The following NHSL2 variants were observed in gnomAD, a reference collection of about 807,000 sequenced individuals.
The protein encoded by NHSL2 is NHS like 2, also known as NHS-like protein 2.
NHSL2 carries 27 observed loss-of-function variants against 53.4 expected under a neutral mutation model. That is an observed-to-expected ratio of 0.51 (90% confidence interval 0.37 to 0.70). The LOEUF is 0.70. Among genes scored for constraint, NHSL2 ranks in the 30% least tolerant of loss-of-function variants. The pLI, the probability that NHSL2 is intolerant of heterozygous loss-of-function variation, is 0.00. For missense variants in NHSL2, 892 were observed against 980.1 expected (o/e 0.91, Z 1.20); for synonymous variants, 408 against 404.1 (o/e 1.01, Z -0.12).
chrX:71,953,495 G>A (rs140041281), intron 1 of NHSL2, among the ~76,000 whole-genome samples: 6,871 of 111,776 alleles, frequency 0.061, 530 homozygotes, highest in African/African-American at 0.21. Flanking sequence ...AATAGTTAAG[G>A]GGGTATGTGG....
At chrX:71,995,409 A>G (rs1758351382) in intron 1 of NHSL2, among the ~76,000 whole-genome samples, 1 of 78,845 alleles carries the variant, frequency 1.3e-5, no homozygotes, top group Non-Finnish European at 2.9e-5. Context: ...ACGTCCTTAC[A>G]ATGGCCCACA....
chrX:71,965,704 T>C (rs1368302231), intron 1 of NHSL2, among the ~76,000 whole-genome samples: 1 of 112,253 alleles, frequency 8.9e-6, no homozygotes, highest in Non-Finnish European at 1.9e-5. Context: ...TGGGAAGAAC[T>C]GACATCTTGA....
intron 1 of NHSL2, among the ~76,000 whole-genome samples, chrX:72,041,033 G>C (rs766321515): frequency 5.3e-5 from 6 of 112,404 alleles, no homozygotes; most frequent in Non-Finnish European, 9.4e-5. Flanking sequence ...TTCAGAGGAG[G>C]AAGTCCCTAA....
rs2042439421 is a variant in NHSL2 at position 72,143,825 on chromosome X, TC to T, written c.*256del. The T allele has an allele frequency of 1.6e-5, 4 of 258,032 alleles. No individual in the cohort carries two copies. The South Asian group carries it at 3.4e-4, about 22-fold the overall frequency. The allele number at this position is 258,032 out of a possible 1,213,427, so 21.3% of individuals were successfully genotyped here. On this transcript the variant is annotated 3_prime_UTR_variant, in exon 8 of 8. Coordinates refer to ENST00000633930, the MANE Select transcript of NHSL2 (RefSeq NM_001013627.3). ...CTGACTACCGAGTTTCTTCTTATTT[TC>T]CCCCAGTGGTGTGCACTAACTAAGA...
At chrX:72,064,395 T>C (rs764950841) in intron 1 of NHSL2, among the ~76,000 whole-genome samples, 108 of 112,433 alleles carry the variant, frequency 9.6e-4, no homozygotes, top group African/African-American at 3.3e-3. Context: ...TCAGCCTAAC[T>C]TGGGTTCAAG....
intron 1 of NHSL2, among the ~76,000 whole-genome samples, chrX:71,921,835 G>A (rs975390586): frequency 1.8e-5 from 2 of 112,149 alleles, no homozygotes; most frequent in East Asian, 5.6e-4. Context: ...CCAAATCAAC[G>A]TCTAGATCAG....
At chrX:72,037,996 C>T (rs2042250222) in intron 1 of NHSL2, among the ~76,000 whole-genome samples, 1 of 111,976 alleles carries the variant, frequency 8.9e-6, no homozygotes, top group Non-Finnish European at 1.9e-5. Flanking sequence ...AACACAGAAT[C>T]CAAAATACCA....
intron 1 of NHSL2, among the ~76,000 whole-genome samples, chrX:72,070,962 T>C (rs999720069): frequency 1.8e-5 from 2 of 112,296 alleles, no homozygotes; most frequent in Admixed American, 9.4e-5. Context: ...GAGGGTTGCC[T>C]CTGCCTCCTT....
chrX:71,952,528 G>C (rs896774362), intron 1 of NHSL2, among the ~76,000 whole-genome samples: 2 of 111,638 alleles, frequency 1.8e-5, no homozygotes, highest in African/African-American at 6.5e-5. Context: ...GTTCCTCATA[G>C]ATAGCACCTT....
intron 1 of NHSL2, among the ~76,000 whole-genome samples, chrX:72,038,036 C>T (rs1049972893): frequency 8.9e-6 from 1 of 112,206 alleles, no homozygotes; most frequent in Non-Finnish European, 1.9e-5. Context: ...TTTGTTTCGG[C>T]AGCACAGGAC....
chrX:72,003,285 A>G, intron 1 of NHSL2, among the ~76,000 whole-genome samples: 1 of 111,255 alleles, frequency 9.0e-6, no homozygotes, highest in East Asian at 2.8e-4. Context: ...GGCAGCAGAT[A>G]TGTACATCTA....
Position 72,148,133 on chromosome X carries a change from A to G in NHSL2, c.*4559A>G, listed in dbSNP as rs956247858. The G allele has an allele frequency of 8.9e-6, 1 of 112,167 alleles. No homozygotes were observed. Among genetic ancestry groups the G allele is most frequent in the Non-Finnish European group, 1.9e-5 (1 of 53,282 alleles). The allele number at this position is 112,167 out of a possible 1,213,427, so 9.2% of individuals were successfully genotyped here. A position where few individuals can be genotyped will look rare whatever the true frequency, so the allele number is the denominator to read the frequency against. On this transcript the variant is annotated 3_prime_UTR_variant, in exon 8 of 8. Coordinates refer to ENST00000633930, the MANE Select transcript of NHSL2 (RefSeq NM_001013627.3). Reference sequence around the variant, plus strand: ...ACTAAAAGCCACTGAGAAGGCCTAGATCATTCATATTGTACATTGACATTT... The same window carrying G: ...ACTAAAAGCCACTGAGAAGGCCTAGGTCATTCATATTGTACATTGACATTT...
At chrX:72,016,331 A>G (rs760209605) in intron 1 of NHSL2, among the ~76,000 whole-genome samples, 1 of 112,076 alleles carries the variant, frequency 8.9e-6, no homozygotes, top group South Asian at 3.7e-4. Context: ...TCTTTCACTC[A>G]TTTGTCTACT....
chrX:72,081,409 A>C (rs1172526914), intron 1 of NHSL2, among the ~76,000 whole-genome samples: 3 of 112,272 alleles, frequency 2.7e-5, no homozygotes, highest in African/African-American at 9.7e-5. Flanking sequence ...TCACAGAGAC[A>C]CAGAGTGAGC....
rs374012047 is a variant in NHSL2, at chrX:72,066,300, TC to T, written c.281-65777del. Among the ~76,000 whole-genome samples, 237 of 111,939 alleles carry T rather than the reference TC, an allele frequency of 2.1e-3. 1 individual carries two copies. The highest frequency in any genetic ancestry group is 7.2e-3 in the African/African-American group (223 of 30,783). On this transcript the variant is annotated intron_variant, in intron 1 of 7. Coordinates refer to ENST00000633930, the MANE Select transcript of NHSL2 (RefSeq NM_001013627.3). Reference sequence around the variant, plus strand: ...TAAAGATGTCTAAAAGCATTCCTCATCCAATTTAGATTATTAAAAAAGGATA... The same window carrying T: ...TAAAGATGTCTAAAAGCATTCCTCATCAATTTAGATTATTAAAAAAGGATA...
At position 72,143,909 on chromosome X, in the gene NHSL2, C is replaced by T. The variant is rs1314623348; in HGVS notation, c.*335C>T. 3 of 151,148 alleles carry T rather than the reference C, an allele frequency of 2.0e-5. No individual in the cohort carries two copies. The highest frequency in any genetic ancestry group is 3.8e-5 in the Non-Finnish European group (3 of 78,602). 12.5% of individuals were successfully genotyped at this position (151,148 alleles called of 1,213,427 possible). On this transcript the variant is annotated 3_prime_UTR_variant, in exon 8 of 8. Transcript: ENST00000633930. Reference sequence around the variant, plus strand: ...CTTTTTCAATTCAGTGACCCGGCTGCTCCATCCCTGGCTCCTGTCACTGAG... The same window carrying T: ...CTTTTTCAATTCAGTGACCCGGCTGTTCCATCCCTGGCTCCTGTCACTGAG...
At chrX:71,933,301 G>A (rs1258377713) in intron 1 of NHSL2, among the ~76,000 whole-genome samples, 1 of 111,365 alleles carries the variant, frequency 9.0e-6, no homozygotes, top group Non-Finnish European at 1.9e-5. Context: ...GTCAATGTAT[G>A]GAAAGCTGAA....
chrX:72,130,267 T>G, intron 1 of NHSL2: 1 of 1,206,699 alleles, frequency 8.3e-7, no homozygotes, highest in Non-Finnish European at 1.1e-6. Flanking sequence ...CTCATCTTCA[T>G]CTTCTTCATC....
chrX:71,978,945 T>G (rs1365297399), intron 1 of NHSL2, among the ~76,000 whole-genome samples: 1 of 80,310 alleles, frequency 1.2e-5, no homozygotes, highest in Non-Finnish European at 2.2e-5. Flanking sequence ...CAGTGTGTGA[T>G]GTTTCCCTTC....
Sources: allele counts gnomAD v4.1 joint callset (sites outside exome capture counted in the v4.1 genomes callset), GRCh38; gene constraint gnomAD v4.1.1; transcripts MANE v1.5; gene names NCBI Gene and HGNC (gene_info 2026-07-23, HGNC 2026-07-21).